Variants in BSPH1 observed in about 807,000 individuals in gnomAD.
BSPH1 encodes binder of sperm protein homolog 1.
Under a neutral mutation model 22.5 loss-of-function variants are expected in BSPH1, and 21 were observed. The ratio of observed to expected loss-of-function variants is 0.93; its 90% CI spans 0.66 to 1.35. BSPH1 has a LOEUF of 1.35. BSPH1 is among the 40% of genes most tolerant of loss of function. The probability of loss-of-function intolerance (pLI) is 0.00; values close to 1 mark genes in which losing one functional copy is unlikely to be tolerated. For missense variants in BSPH1, 141 were observed against 154.2 expected (o/e 0.91, Z 0.45); for synonymous variants, 42 against 53.6 (o/e 0.78, Z 0.95).
At chr19:47,989,230 C>T (rs1792642327) in intron 1 of BSPH1, among the ~76,000 whole-genome samples, 2 of 151,536 alleles carry the variant, frequency 1.3e-5, no homozygotes, top group African/African-American at 2.4e-5. Flanking sequence ...ACTGCAACCT[C>T]CGCCTCTTGG....
chr19:47,970,208 A>G (rs2122236712), intron 5 of BSPH1, among the ~76,000 whole-genome samples: 1 of 152,148 alleles, frequency 6.6e-6, no homozygotes, highest in African/African-American at 2.4e-5. Context: ...ACAAGTGCGC[A>G]CTAACACACC....
intron 5 of BSPH1, among the ~76,000 whole-genome samples, chr19:47,969,080 A>C (rs1969285525): frequency 6.6e-6 from 1 of 151,882 alleles, no homozygotes; most frequent in Non-Finnish European, 1.5e-5. Flanking sequence ...TGGTAACAGT[A>C]AAAGTAGCCT....
At chr19:47,990,467 G>A (rs1156898575) in intron 1 of BSPH1, among the ~76,000 whole-genome samples, 1 of 151,696 alleles carries the variant, frequency 6.6e-6, no homozygotes, top group African/African-American at 2.4e-5. Flanking sequence ...CTACAAACAT[G>A]ATGTCTGATT....
At chr19:47,988,061 A>G (rs1342961776) in intron 1 of BSPH1, among the ~76,000 whole-genome samples, 3 of 152,180 alleles carry the variant, frequency 2.0e-5, no homozygotes, top group Non-Finnish European at 1.5e-5. Flanking sequence ...AATTAAAAAA[A>G]GAGAAAATCC....
intron 1 of BSPH1, among the ~76,000 whole-genome samples, chr19:47,990,998 T>A (rs555159185): frequency 1.2e-4 from 19 of 152,304 alleles, no homozygotes; most frequent in Admixed American, 4.6e-4. Context: ...TCTTATTTTT[T>A]AAAAAATCTT....
intron 5 of BSPH1, among the ~76,000 whole-genome samples, chr19:47,972,868 C>A (rs933343228): frequency 6.6e-6 from 1 of 150,994 alleles, no homozygotes; most frequent in African/African-American, 2.4e-5. Context: ...CCCACCCCCA[C>A]CCCCACACGT....
Position 47,979,610 on chromosome 19 carries a change from A to G in BSPH1, c.95-11T>C. 1 of 1,302,708 alleles carries G rather than the reference A, an allele frequency of 7.7e-7. No homozygotes were observed. The highest frequency in any genetic ancestry group is 1.5e-5 in the South Asian group (1 of 65,100). 80.7% of individuals were successfully genotyped at this position (1,302,708 alleles called of 1,614,324 possible). ...AATGAGTTATAGTTTCTGAAAAATA[A>G]AATTTAGAGCTGACATTTATTTCAC... On this transcript the variant is annotated splice_polypyrimidine_tract_variant and intron_variant, in intron 2 of 5. Transcript: ENST00000344839.
chr19:47,979,271 A>G (rs890433919), intron 3 of BSPH1, among the ~76,000 whole-genome samples: 18 of 151,678 alleles, frequency 1.2e-4, no homozygotes, highest in African/African-American at 4.4e-4. Context: ...ATATTTCTCT[A>G]CTACAGCACT....
rs1969292356 is a variant in BSPH1 at position 47,969,696 on chromosome 19, AGAGAGAG to A, written c.*3-1494_*3-1488del. ...GGCAGGGAGAGGGGGAGAGAGAGAGAGAGAGAGAGAGAGAGAGAGAGAGAGAGAGACT... is the reference window on the plus strand; with the variant it reads ...GGCAGGGAGAGGGGGAGAGAGAGAGAAGAGAGAGAGAGAGAGAGAGAGACT... On this transcript the variant is annotated intron_variant, in intron 5 of 5. Transcript: ENST00000344839. Among the ~76,000 whole-genome samples the A allele has an allele frequency of 3.4e-5, 5 of 145,272 alleles. No homozygotes were observed. In the South Asian group the frequency reaches 1.1e-3, roughly 33 times the overall value.
chr19:47,974,485 G>T (rs1969342939), intron 5 of BSPH1, among the ~76,000 whole-genome samples: 1 of 151,730 alleles, frequency 6.6e-6, no homozygotes, highest in Non-Finnish European at 1.5e-5. Context: ...GGCTGGCCTG[G>T]TCTCAAACTC....
intron 5 of BSPH1, among the ~76,000 whole-genome samples, chr19:47,976,096 A>G (rs1454626255): frequency 6.6e-6 from 1 of 152,172 alleles, no homozygotes; most frequent in Non-Finnish European, 1.5e-5. Context: ...ATTTGTTGCA[A>G]TTGATGAATC....
At chr19:47,976,582 G>GAA (rs770125279) in intron 5 of BSPH1, 128 bp downstream of exon 5, 25,608 of 401,582 alleles carry the variant, frequency 0.064, 1,120 homozygotes, top group African/African-American at 0.11. Context: ...TCACATCCCA[G>GAA]AAAAAAAAAA....
At position 47,980,840 on chromosome 19, in the gene BSPH1, G is replaced by A. The variant is rs571442353; in HGVS notation, c.94+81C>T. ...AATGAAAAGTATGATTTCTTACCAG[G>A]AAAGGGAATACTCAATGGTTTCACA... On this transcript the variant is annotated intron_variant, in intron 2 of 5. Transcript: ENST00000344839. The A allele has an allele frequency of 2.0e-4, 148 of 722,290 alleles. No individual in the cohort carries two copies. The African/African-American group carries it at 2.6e-3, about 13-fold the overall frequency. The allele number at this position is 722,290 out of a possible 1,614,324, so 44.7% of individuals were successfully genotyped here.
At chr19:47,986,493 C>A (rs544233167) in intron 1 of BSPH1, among the ~76,000 whole-genome samples, 2 of 152,234 alleles carry the variant, frequency 1.3e-5, no homozygotes, top group South Asian at 4.1e-4. Context: ...AATCCCAGCA[C>A]TTTTGGAGGC....
chr19:47,990,140 A>G (rs1348339202), intron 1 of BSPH1, among the ~76,000 whole-genome samples: 1 of 144,660 alleles, frequency 6.9e-6, no homozygotes, highest in African/African-American at 2.6e-5. Context: ...AAAAAAAAAA[A>G]AGAGACAATA....
intron 5 of BSPH1, among the ~76,000 whole-genome samples, chr19:47,973,218 AAATAATAATAATAAT>A (rs60548503): frequency 4.2e-4 from 56 of 132,110 alleles, no homozygotes; most frequent in African/African-American, 9.1e-4. Context: ...CTCCGTCTCA[AAATAATAATAATAAT>A]AATAATAATA....
chr19:47,986,617 C>T (rs1030304993), intron 1 of BSPH1, among the ~76,000 whole-genome samples: 8 of 151,842 alleles, frequency 5.3e-5, no homozygotes, highest in African/African-American at 1.9e-4. Flanking sequence ...TGGTGGCGTG[C>T]ACCTGTAGTC....
At chr19:47,972,280 C>CTTTTTTTTTTTTTTTTTTTTTTTTTT (rs71181620) in intron 5 of BSPH1, among the ~76,000 whole-genome samples, 1 of 136,800 alleles carries the variant, frequency 7.3e-6, no homozygotes. Flanking sequence ...CCTTGATATT[C>CTTTTTTTTTTTTTTTTTTTTTTTTTT]TTTTTTTTTT....
intron 1 of BSPH1, among the ~76,000 whole-genome samples, chr19:47,990,620 A>ATT (rs11415530): frequency 3.3e-5 from 5 of 150,768 alleles, no homozygotes; most frequent in South Asian, 2.1e-4. Context: ...AAGCAGTGTT[A>ATT]TTTTTTTTTA....
Sources: gnomAD v4.1 joint callset for allele counts (sites outside exome capture counted in the v4.1 genomes callset) on GRCh38, gnomAD v4.1.1 for gene constraint, MANE v1.5 for transcripts, NCBI Gene and HGNC (gene_info 2026-07-23, HGNC 2026-07-21) for gene names.